Variants in RAP1GAP2 observed in about 807,000 individuals in gnomAD.
The protein encoded by RAP1GAP2 is rap1 GTPase-activating protein 2.
A neutral mutation model predicts 95.0 loss-of-function variants in RAP1GAP2; 27 were observed. The observed-to-expected ratio is 0.28, with a 90% CI of 0.21 to 0.39. The LOEUF (loss-of-function observed/expected upper bound fraction) is 0.39. RAP1GAP2 is among the 10% of genes least tolerant of loss of function. The pLI is 1.00. For missense variants in RAP1GAP2, 771 were observed against 970.0 expected, an observed-to-expected ratio of 0.79 and a Z score of 2.72; for synonymous variants, 373 against 380.9, an observed-to-expected ratio of 0.98 and a Z score of 0.24.
In RAP1GAP2 at chr17:2,837,739, T is replaced by C. The variant is rs190563251; in HGVS notation, c.80+37189T>C. ...CTTCTGCCTCAGCCTCCTGAGTAGC[T>C]GGGACTACAGGTGCCTGCCACCATG... On this transcript the variant is annotated intron_variant, in intron 2 of 24. Coordinates refer to ENST00000254695, the MANE Select transcript of RAP1GAP2 (RefSeq NM_015085.5). 6.8e-3 allele frequency among the ~76,000 whole-genome samples: 1,033 copies of C among 151,774 alleles called. 8 individuals carry two copies. The highest frequency in any genetic ancestry group is 0.023 in the African/African-American group (963 of 41,402).
chr17:2,769,841 G>A (rs1355981878), intron 1 of RAP1GAP2, among the ~76,000 whole-genome samples: 1 of 152,082 alleles, frequency 6.6e-6, no homozygotes, highest in Non-Finnish European at 1.5e-5. Flanking sequence ...GGGAGGCCAA[G>A]GCGGGTGGAT....
intron 2 of RAP1GAP2, among the ~76,000 whole-genome samples, chr17:2,884,846 G>A (rs192570088): frequency 9.9e-5 from 15 of 152,120 alleles, no homozygotes; most frequent in African/African-American, 3.4e-4. Flanking sequence ...GTAATCATAC[G>A]CGTCACAGCA....
chr17:2,819,310 A>C (rs1224096107), intron 2 of RAP1GAP2, among the ~76,000 whole-genome samples: 1 of 142,820 alleles, frequency 7.0e-6, no homozygotes, highest in Non-Finnish European at 1.5e-5. Flanking sequence ...GTGAGCCACC[A>C]TGCCTTGCTT....
intron 3 of RAP1GAP2, among the ~76,000 whole-genome samples, chr17:2,909,622 G>A (rs2042306369): frequency 6.6e-6 from 1 of 152,218 alleles, no homozygotes; most frequent in African/African-American, 2.4e-5. Flanking sequence ...CTGTCGGGAG[G>A]GGCCTCAGGC....
At chr17:2,995,520 G>A in intron 13 of RAP1GAP2, 54 bp downstream of exon 13, 2 of 1,607,122 alleles carry the variant, frequency 1.2e-6, no homozygotes, top group Non-Finnish European at 1.7e-6. Flanking sequence ...GTGAGGGCCT[G>A]CCTCTGGTCT....
chr17:3,035,771 G>A lies in RAP1GAP2; in HGVS notation c.*2410G>A, dbSNP rs1046232407. The stretch of plus-strand genomic sequence containing the variant: ...GCCTCCCCTCCCTCCCCTAGACCAC[G>A]GGGCGGGCAGCTCGGGTTCCTGGAG... On this transcript the variant is annotated 3_prime_UTR_variant, in exon 25 of 25. Coordinates refer to ENST00000254695, the MANE Select transcript of RAP1GAP2 (RefSeq NM_015085.5). This position sits in a 1 kb window ranked among gnomAD's most constrained non-coding sequence, Gnocchi z 4.3. 3.3e-5 allele frequency: 5 copies of A among 152,334 alleles called. No homozygotes were observed. Among genetic ancestry groups the A allele is most frequent in the Non-Finnish European group, 7.3e-5 (5 of 68,150 alleles). 9.4% of individuals were successfully genotyped at this position (152,334 alleles called of 1,614,324 possible). A position where few individuals can be genotyped will look rare whatever the true frequency, so the allele number is the denominator to read the frequency against.
chr17:2,773,832 A>G (rs1375606788), upstream of RAP1GAP2, among the ~76,000 whole-genome samples: 1 of 151,620 alleles, frequency 6.6e-6, no homozygotes, highest in East Asian at 1.9e-4. Context: ...ATCTCAGCTC[A>G]CTGCAACCTC....
intron 2 of RAP1GAP2, among the ~76,000 whole-genome samples, chr17:2,848,646 T>C (rs1001441732): frequency 6.6e-6 from 1 of 152,018 alleles, no homozygotes; most frequent in African/African-American, 2.4e-5. Flanking sequence ...CCCGAGTAAC[T>C]GGTATTCCAA....
chr17:3,028,948 GTGCCACA>G, intron 22 of RAP1GAP2, among the ~76,000 whole-genome samples: 1 of 152,192 alleles, frequency 6.6e-6, no homozygotes, highest in South Asian at 2.1e-4. Context: ...TTACAGGCAT[GTGCCACA>G]TGCCCGGCTA....
rs1410161433 is a variant in RAP1GAP2, at chr17:2,965,575, G to C, written c.528G>C (p.Leu176=). The C allele has an allele frequency of 6.2e-7, 1 of 1,612,844 alleles. No individual in the cohort carries two copies. Residue 176 remains leucine (L), a synonymous_variant, in exon 8 of 25, where the codon CTG becomes CTC. Transcript: ENST00000254695. The surrounding 1 kb of genome is among the most constrained non-coding windows in gnomAD (Gnocchi z 4.7). The part of the protein sequence containing the change: ...HLNFYCTGSS[L]GNLILSVKCE... ...ACTTTTACTGTACCGGCAGCAGCCT[G>C]GGGAACTTGATCCTGTCCGTCAAGT...
chr17:2,999,010 C>T (rs1165191336), intron 14 of RAP1GAP2, among the ~76,000 whole-genome samples: 1 of 152,150 alleles, frequency 6.6e-6, no homozygotes, highest in Non-Finnish European at 1.5e-5. Flanking sequence ...AAGGCCCTGG[C>T]CTGGCTGTTT....
intron 8 of RAP1GAP2, 30 bp from the exon 9 acceptor site, chr17:2,980,257 G>T: frequency 6.2e-7 from 1 of 1,610,640 alleles, no homozygotes. Context: ...TGTTTCTTAG[G>T]GATGTCCTTT....
intron 5 of RAP1GAP2, 31 bp downstream of exon 5, chr17:2,962,745 C>T (rs767756040): frequency 3.1e-5 from 48 of 1,573,040 alleles, no homozygotes; most frequent in Middle Eastern, 2.2e-4. Flanking sequence ...GGTGGCCAGA[C>T]GGCCCTGGTG....
intron 2 of RAP1GAP2, among the ~76,000 whole-genome samples, chr17:2,895,585 C>CT (rs60315575): frequency 0.9 from 134,960 of 150,638 alleles, 60,589 homozygotes; most frequent in Admixed American, 0.94. Flanking sequence ...TTCCCCGCTA[C>CT]TTTTTTTTTG....
At chr17:2,943,907 T>G (rs893188609) in intron 3 of RAP1GAP2, among the ~76,000 whole-genome samples, 7 of 152,010 alleles carry the variant, frequency 4.6e-5, no homozygotes, top group Admixed American at 2.6e-4. Context: ...CCCAGCACTT[T>G]GGGAGGCCAA....
At chr17:2,862,718 C>T (rs973450876) in intron 2 of RAP1GAP2, among the ~76,000 whole-genome samples, 1 of 152,202 alleles carries the variant, frequency 6.6e-6, no homozygotes, top group African/African-American at 2.4e-5. Context: ...CGAATATGGG[C>T]TGTGCACAGT....
intron 11 of RAP1GAP2, among the ~76,000 whole-genome samples, chr17:2,986,956 G>A (rs1597802287): frequency 1.3e-5 from 2 of 152,348 alleles, no homozygotes; most frequent in African/African-American, 4.8e-5. Flanking sequence ...CGCCTTCATG[G>A]CATGCTATAG....
chr17:2,882,293 ATTT>A (rs752552125), intron 2 of RAP1GAP2, among the ~76,000 whole-genome samples: 3 of 129,652 alleles, frequency 2.3e-5, no homozygotes, highest in Admixed American at 7.8e-5. Flanking sequence ...CGCCCAGCTA[ATTT>A]TTTTTTTTTT....
chr17:3,018,316 A>G, intron 18 of RAP1GAP2, 118 bp downstream of exon 18: 3 of 1,336,532 alleles, frequency 2.2e-6, no homozygotes, highest in Non-Finnish European at 3.0e-6. Context: ...GGCAAGCTGG[A>G]TGATGGTGGG....
Sources: gnomAD v4.1 joint callset for allele counts (sites outside exome capture counted in the v4.1 genomes callset) on GRCh38, gnomAD v4.1.1 for gene constraint, Gnocchi (gnomAD v3.1) non-coding constraint, MANE v1.5 for transcripts, NCBI Gene and HGNC (gene_info 2026-07-23, HGNC 2026-07-21) for gene names.